WDR70: variants seen among roughly 807,000 people sequenced by gnomAD.
The protein encoded by WDR70 is WD repeat domain 70.
WDR70 carries 53 observed loss-of-function variants against 88.6 expected under a neutral mutation model. The observed-to-expected ratio is 0.60, with a 90% CI of 0.48 to 0.75. The LOEUF is 0.75. WDR70 is among the 30% of genes least tolerant of loss of function. The pLI is 0.00. For missense variants in WDR70, 610 were observed against 823.2 expected (o/e 0.74, Z 3.17); for synonymous variants, 280 against 270.0 (o/e 1.04, Z -0.36).
intron 13 of WDR70, among the ~76,000 whole-genome samples, chr5:37,707,147 A>G (rs1463756954): frequency 6.6e-6 from 1 of 152,232 alleles, no homozygotes; most frequent in Non-Finnish European, 1.5e-5. Context: ...TTATTGTGAA[A>G]TGACTAATAG....
intron 7 of WDR70, among the ~76,000 whole-genome samples, chr5:37,450,851 G>A (rs1044152098): frequency 1.3e-5 from 2 of 152,086 alleles, no homozygotes; most frequent in Non-Finnish European, 2.9e-5. Flanking sequence ...GTGTGTGTGT[G>A]TGTCTGTGTC....
rs147202732 is a variant in WDR70 at position 37,605,129 on chromosome 5, T to G, written c.983T>G (p.Met328Arg). ...KQKSVFKPRT[M>R]QGKKVIPTTC... ...AAAAGTGTGTTTAAACCACGGACGA[T>G]GCAAGGCAAAAAAGTCATTCCCACT... Residue 328 changes from methionine (M) to arginine (R), a missense_variant, in exon 10 of 18, where the codon ATG becomes AGG. By Grantham distance (91) the Met-to-Arg change is moderately conservative. Around this residue, in one of 4 missense-constraint regions of WDR70, gnomAD observed 254 missense variants for 300.7 expected, o/e 0.84. Coordinates refer to ENST00000265107, the MANE Select transcript of WDR70 (RefSeq NM_018034.4). 5.0e-5 allele frequency: 80 copies of G among 1,613,330 alleles called. No homozygotes were observed. Among genetic ancestry groups the G allele is most frequent in the Non-Finnish European group, 6.4e-5 (75 of 1,179,662 alleles).
chr5:37,580,748 A>G (rs1044798736), intron 9 of WDR70, among the ~76,000 whole-genome samples: 13 of 152,228 alleles, frequency 8.5e-5, no homozygotes, highest in Admixed American at 4.6e-4. Context: ...TGTAGCCAAT[A>G]CATCCATGAA....
rs1298912569 is a variant in WDR70 at position 37,676,132 on chromosome 5, G to T, written c.1093-21523G>T. Among the ~76,000 whole-genome samples the T allele has an allele frequency of 2.9e-4, 44 of 149,174 alleles. 1 individual carries two copies. The highest frequency in any genetic ancestry group is 3.0e-5 in the Non-Finnish European group (2 of 67,294). Reference sequence around the variant, plus strand: ...TTGCGCATCAGCTTAAGGAGATTTTGGGCTGAGACAATGGGGTTTTCTAAA... The same window carrying T: ...TTGCGCATCAGCTTAAGGAGATTTTTGGCTGAGACAATGGGGTTTTCTAAA... On this transcript the variant is annotated intron_variant, in intron 10 of 17. Coordinates refer to ENST00000265107, the MANE Select transcript of WDR70 (RefSeq NM_018034.4).
chr5:37,659,631 A>G (rs1223822933), intron 10 of WDR70, among the ~76,000 whole-genome samples: 2 of 152,160 alleles, frequency 1.3e-5, no homozygotes, highest in East Asian at 3.9e-4. Context: ...TATTTTTCAC[A>G]GTTCTGGAGA....
At chr5:37,547,172 A>G (rs1173584375) in intron 9 of WDR70, among the ~76,000 whole-genome samples, 1 of 152,102 alleles carries the variant, frequency 6.6e-6, no homozygotes. Context: ...GTGTGTGGTG[A>G]CCCTGTTGGC....
chr5:37,463,135 G>A (rs1414900667), intron 7 of WDR70, among the ~76,000 whole-genome samples: 4 of 152,066 alleles, frequency 2.6e-5, no homozygotes, highest in Non-Finnish European at 5.9e-5. Flanking sequence ...AGCCCAGCAT[G>A]GTGGCACGCA....
At chr5:37,456,559 A>T (rs1738846633) in intron 7 of WDR70, among the ~76,000 whole-genome samples, 1 of 152,098 alleles carries the variant, frequency 6.6e-6, no homozygotes, top group Non-Finnish European at 1.5e-5. Context: ...CCACTTTTGT[A>T]ATATATAATT....
intron 10 of WDR70, among the ~76,000 whole-genome samples, chr5:37,639,806 A>G (rs762902395): frequency 1.5e-4 from 23 of 152,188 alleles, no homozygotes; most frequent in Non-Finnish European, 3.2e-4. Flanking sequence ...GTTTCTCAAT[A>G]GTCATTTACT....
chr5:37,560,229 T>C (rs1170536177), intron 9 of WDR70, among the ~76,000 whole-genome samples: 3 of 152,222 alleles, frequency 2.0e-5, no homozygotes, highest in Non-Finnish European at 4.4e-5. Flanking sequence ...TATAAATTGC[T>C]AATGTTGTAT....
intron 8 of WDR70, among the ~76,000 whole-genome samples, chr5:37,515,019 G>GAAAAAA (rs770128168): frequency 1.9e-5 from 1 of 52,996 alleles, no homozygotes; most frequent in Admixed American, 2.1e-4. Flanking sequence ...CCTGTCTCAA[G>GAAAAAA]AAAAAAAAAA....
chr5:37,469,054 A>AAT (rs1739249400), intron 7 of WDR70, among the ~76,000 whole-genome samples: 1 of 152,226 alleles, frequency 6.6e-6, no homozygotes, highest in Non-Finnish European at 1.5e-5. Context: ...CTATAAACAA[A>AAT]ATATATATAA....
chr5:37,482,944 G>A (rs1016939559), intron 8 of WDR70, among the ~76,000 whole-genome samples: 5 of 152,256 alleles, frequency 3.3e-5, no homozygotes, highest in African/African-American at 7.2e-5. Context: ...CTACTTGGAA[G>A]GCTGAGGCAG....
At chr5:37,523,278 G>A (rs751807831) in intron 9 of WDR70, among the ~76,000 whole-genome samples, 1 of 152,228 alleles carries the variant, frequency 6.6e-6, no homozygotes, top group Non-Finnish European at 1.5e-5. Context: ...GCTCTGAGAC[G>A]AAGCTTCCAG....
chr5:37,581,763 C>T (rs1743221574), intron 9 of WDR70, among the ~76,000 whole-genome samples: 1 of 152,158 alleles, frequency 6.6e-6, no homozygotes, highest in South Asian at 2.1e-4. Context: ...GTCACCCTAA[C>T]CCCTAGTGCA....
At chr5:37,531,268 T>C (rs994673617) in intron 9 of WDR70, among the ~76,000 whole-genome samples, 1 of 152,100 alleles carries the variant, frequency 6.6e-6, no homozygotes, top group South Asian at 2.1e-4. Context: ...TATTCTGCAG[T>C]TGTTGGGTAG....
chr5:37,448,865 G>A (rs1016436625), intron 7 of WDR70, among the ~76,000 whole-genome samples: 1 of 152,098 alleles, frequency 6.6e-6, no homozygotes, highest in African/African-American at 2.4e-5. Flanking sequence ...AGGGGTATTG[G>A]TCGGGTGTTT....
At chr5:37,537,686 G>A (rs1324215835) in intron 9 of WDR70, among the ~76,000 whole-genome samples, 2 of 151,908 alleles carry the variant, frequency 1.3e-5, no homozygotes, top group East Asian at 3.8e-4. Context: ...TGGATTAACA[G>A]GATAAACAAA....
chr5:37,690,106 G>GT (rs1213075860), intron 10 of WDR70, among the ~76,000 whole-genome samples: 3 of 152,160 alleles, frequency 2.0e-5, no homozygotes, highest in African/African-American at 7.2e-5. Context: ...GGAAGAAAGG[G>GT]TATCAGTGAT....
Sources: allele counts gnomAD v4.1 joint callset (sites outside exome capture counted in the v4.1 genomes callset), GRCh38; gene constraint gnomAD v4.1.1; regional missense constraint gnomAD v4.1.1; transcripts MANE v1.5; gene names NCBI Gene and HGNC (gene_info 2026-07-23, HGNC 2026-07-21).